TMPRSS11D: variants seen among roughly 807,000 people sequenced by gnomAD.
TMPRSS11D encodes transmembrane protease serine 11D.
Under a neutral mutation model 44.4 loss-of-function variants are expected in TMPRSS11D, and 32 were observed. The ratio of observed to expected loss-of-function variants is 0.72; its 90% CI spans 0.54 to 0.97. The LOEUF (loss-of-function observed/expected upper bound fraction) is 0.97. Among genes scored for constraint, TMPRSS11D ranks in the 50% least tolerant of loss-of-function variants. The pLI is 0.00. For missense variants in TMPRSS11D, 446 were observed against 502.6 expected, an observed-to-expected ratio of 0.89 and a Z score of 1.08; for synonymous variants, 179 against 177.9, an observed-to-expected ratio of 1.01 and a Z score of -0.05.
intron 3 of TMPRSS11D, among the ~76,000 whole-genome samples, chr4:67,851,479 G>A (rs1718507534): frequency 6.6e-6 from 1 of 152,210 alleles, no homozygotes; most frequent in Non-Finnish European, 1.5e-5. Context: ...AGCCACTGGT[G>A]CTTTGCTGTC....
chr4:67,826,034 T>A (rs1399323823), intron 8 of TMPRSS11D, among the ~76,000 whole-genome samples, 160 bp from the exon 9 acceptor site: 2 of 152,140 alleles, frequency 1.3e-5, no homozygotes, highest in African/African-American at 4.8e-5. Context: ...CAGCCAAAAT[T>A]CCCCAAGTAG....
rs556919913 is a variant in TMPRSS11D, at chr4:67,832,781, C to G, written c.692+423G>C. Reference sequence around the variant, plus strand: ...CCATCAGCTCCCATGATATAATGTGCAAATCTTCCACAGCAATTCGTTTCG... The same window carrying G: ...CCATCAGCTCCCATGATATAATGTGGAAATCTTCCACAGCAATTCGTTTCG... On this transcript the variant is annotated intron_variant, in intron 7 of 9. Transcript: ENST00000283916. Among the ~76,000 whole-genome samples the G allele has an allele frequency of 4.6e-3, 696 of 151,392 alleles. 5 individuals carry two copies. Among genetic ancestry groups the G allele is most frequent in the Admixed American group, 6.9e-3 (105 of 15,120 alleles).
At chr4:67,870,491 C>T (rs2109699006) in intron 1 of TMPRSS11D, among the ~76,000 whole-genome samples, 1 of 152,346 alleles carries the variant, frequency 6.6e-6, no homozygotes, top group Middle Eastern at 3.4e-3. Context: ...GATGTCTTCT[C>T]AGTGAGACCT....
At chr4:67,846,974 G>A (rs1049368361) in intron 3 of TMPRSS11D, among the ~76,000 whole-genome samples, 10 of 151,660 alleles carry the variant, frequency 6.6e-5, no homozygotes, top group African/African-American at 2.2e-4. Flanking sequence ...GGGTGATCTT[G>A]GCTCACTGCA....
chr4:67,841,426 A>G (rs1234995423), intron 4 of TMPRSS11D, among the ~76,000 whole-genome samples: 1 of 152,194 alleles, frequency 6.6e-6, no homozygotes, highest in Non-Finnish European at 1.5e-5. Context: ...TCAAGGAGTG[A>G]CAGGCCAACA....
At position 67,825,821 on chromosome 4, in the gene TMPRSS11D, C is replaced by T; in HGVS notation, c.1006G>A (p.Val336Ile). The T allele has an allele frequency of 6.2e-7, 1 of 1,613,170 alleles. No homozygotes were observed. Among genetic ancestry groups the T allele is most frequent in the Non-Finnish European group, 8.5e-7 (1 of 1,179,446 alleles). ...TTATAACTATGTGGTGCATTACATA[C>T]ATCATTACTTATTATTCTGACCTGT... ...QGQVRIISND[V>I]CNAPHSYNGA... Residue 336 changes from valine (V) to isoleucine (I), a missense_variant, in exon 9 of 10, where the codon GTA (valine) becomes ATA (isoleucine). Transcript: ENST00000283916.
Position 67,859,652 on chromosome 4 carries a change from C to A in TMPRSS11D, c.35G>T (p.Arg12Ile), listed in dbSNP as rs1718747307. 1 of 1,613,078 alleles carries A rather than the reference C, an allele frequency of 6.2e-7. No individual in the cohort carries two copies. Among genetic ancestry groups the A allele is most frequent in the South Asian group, 1.1e-5 (1 of 91,036 alleles). ...YRPARVTSTS[R>I]FLNPYVVCFI... ...ACATACTACATATGGATTCAGAAATCTTGAAGTCGAAGTTACACGTGCTGG... is the reference window on the plus strand; with the variant it reads ...ACATACTACATATGGATTCAGAAATATTGAAGTCGAAGTTACACGTGCTGG... The change falls in exon 2 of 10, where the codon AGA becomes ATA. Residue 12 changes from arginine to isoleucine, a missense_variant. Coordinates refer to ENST00000283916, the MANE Select transcript of TMPRSS11D (RefSeq NM_004262.3).
intron 7 of TMPRSS11D, among the ~76,000 whole-genome samples, chr4:67,829,446 TTAA>T (rs1560537092): frequency 2.4e-3 from 23 of 9,676 alleles, no homozygotes; most frequent in Admixed American, 5.6e-3. Context: ...AACAGTAGCG[TTAA>T]AAAAAAAAAA....
chr4:67,836,201 T>A (rs750058666), intron 5 of TMPRSS11D, among the ~76,000 whole-genome samples: 1 of 152,148 alleles, frequency 6.6e-6, no homozygotes, highest in Admixed American at 6.6e-5. Context: ...CATGGTTTCA[T>A]CATTTGACAT....
intron 3 of TMPRSS11D, among the ~76,000 whole-genome samples, chr4:67,844,671 T>G (rs1718317003): frequency 1.3e-5 from 2 of 151,640 alleles, no homozygotes; most frequent in Admixed American, 1.3e-4. Flanking sequence ...CCCAACTACT[T>G]AAGAGGCTGG....
intron 1 of TMPRSS11D, among the ~76,000 whole-genome samples, chr4:67,866,003 G>C (rs1045983933): frequency 2.6e-5 from 4 of 151,924 alleles, no homozygotes; most frequent in African/African-American, 9.7e-5. Flanking sequence ...TATGACTCCA[G>C]TATTACCCTG....
chr4:67,823,228 C>T (rs1200848173), intron 9 of TMPRSS11D, among the ~76,000 whole-genome samples: 1 of 152,130 alleles, frequency 6.6e-6, no homozygotes, highest in African/African-American at 2.4e-5. Context: ...AGTATATCAT[C>T]AGAAAGTCTT....
chr4:67,870,790 G>C (rs1280230377), intron 1 of TMPRSS11D, among the ~76,000 whole-genome samples: 1 of 144,674 alleles, frequency 6.9e-6, no homozygotes, highest in Non-Finnish European at 1.5e-5. Context: ...TTCCAGCTTG[G>C]GTAATAGAGC....
At chr4:67,883,718 A>C (rs1177876902) in intron 1 of TMPRSS11D, among the ~76,000 whole-genome samples, 1 of 152,076 alleles carries the variant, frequency 6.6e-6, no homozygotes, top group Admixed American at 6.6e-5. Flanking sequence ...GTTGTTTTAT[A>C]AAAAATTCAG....
chr4:67,874,467 A>T (rs1719136209), intron 1 of TMPRSS11D, among the ~76,000 whole-genome samples: 1 of 152,048 alleles, frequency 6.6e-6, no homozygotes, highest in Non-Finnish European at 1.5e-5. Flanking sequence ...GGTACATTAC[A>T]CTCTAATGGC....
chr4:67,860,586 A>G (rs547477714), intron 1 of TMPRSS11D: 5 of 152,234 alleles, frequency 3.3e-5, no homozygotes, highest in African/African-American at 1.2e-4. Context: ...ATTCATGCCT[A>G]TGTTTAACAT....
intron 8 of TMPRSS11D, among the ~76,000 whole-genome samples, 180 bp from the exon 9 acceptor site, chr4:67,826,054 AC>A: frequency 6.6e-6 from 1 of 151,934 alleles, no homozygotes; most frequent in East Asian, 1.9e-4. Context: ...GATGAGGATA[AC>A]CCCTTTCACA....
At chr4:67,845,144 A>G (rs1289367601) in intron 3 of TMPRSS11D, among the ~76,000 whole-genome samples, 1 of 152,228 alleles carries the variant, frequency 6.6e-6, no homozygotes, top group Non-Finnish European at 1.5e-5. Context: ...ATTAAGAGGC[A>G]ATTTAGTAAG....
intron 1 of TMPRSS11D, among the ~76,000 whole-genome samples, chr4:67,873,668 A>G (rs1719112393): frequency 6.6e-6 from 1 of 152,174 alleles, no homozygotes; most frequent in Admixed American, 6.5e-5. Flanking sequence ...TGCAAATTTT[A>G]AATTAGTTAA....
Sources: gnomAD v4.1 joint callset for allele counts (sites outside exome capture counted in the v4.1 genomes callset) on GRCh38, gnomAD v4.1.1 for gene constraint, MANE v1.5 for transcripts, NCBI Gene and HGNC (gene_info 2026-07-23, HGNC 2026-07-21) for gene names.